HIKESHI: variants seen among roughly 807,000 people sequenced by gnomAD.
HIKESHI encodes the protein heat shock protein nuclear import factor hikeshi, also known as protein Hikeshi.
In HIKESHI, 13 loss-of-function variants were observed where a neutral mutation model predicts 25.7. The observed-to-expected ratio is 0.51, with a 90% CI of 0.33 to 0.80. HIKESHI has a LOEUF of 0.80. Ranked by LOEUF, HIKESHI falls within the 30% of genes least tolerant of loss-of-function variation. The pLI is 0.02. For missense variants in HIKESHI, 174 were observed against 229.5 expected, an observed-to-expected ratio of 0.76 and a Z score of 1.56; for synonymous variants, 76 against 78.7, an observed-to-expected ratio of 0.97 and a Z score of 0.18.
intron 2 of HIKESHI, among the ~76,000 whole-genome samples, chr11:86,331,785 C>G (rs1048218004): frequency 6.6e-6 from 1 of 151,934 alleles, no homozygotes; most frequent in African/African-American, 2.4e-5. Flanking sequence ...AATGTAATTT[C>G]AGGTTTGTCT....
At chr11:86,302,585 T>A in intron 1 of HIKESHI, 107 bp downstream of exon 1, 1 of 1,341,314 alleles carries the variant, frequency 7.5e-7, no homozygotes, top group Non-Finnish European at 1.0e-6. Context: ...GCCCACTTAT[T>A]ATATTTTGGG....
chr11:86,310,934 C>T (rs1050606530), intron 2 of HIKESHI, among the ~76,000 whole-genome samples: 1 of 152,140 alleles, frequency 6.6e-6, no homozygotes, highest in Non-Finnish European at 1.5e-5. Context: ...GGTGGATAAG[C>T]TTTTTGATGT....
Position 86,345,583 on chromosome 11 carries a change from G to A in HIKESHI, c.540-1G>A. On this transcript the variant is annotated splice_acceptor_variant, in intron 4 of 4. Transcript: ENST00000278483. LOFTEE classifies it high-confidence loss of function. ...GTAAATATATGTGTTTTCTTTTCTA[G>A]GTATGAAAACTTTCAAAGACGACTA... 2 of 1,524,762 alleles carry A rather than the reference G, an allele frequency of 1.3e-6. No homozygotes were observed. Among genetic ancestry groups the A allele is most frequent in the East Asian group, 2.3e-5 (1 of 43,348 alleles). The allele number at this position is 1,524,762 out of a possible 1,614,324, so 94.5% of individuals were successfully genotyped here.
chr11:86,304,323 G>A lies in HIKESHI; in HGVS notation c.30+1845G>A, dbSNP rs567250873. On this transcript the variant is annotated intron_variant, in intron 1 of 4. Coordinates refer to ENST00000278483, the MANE Select transcript of HIKESHI (RefSeq NM_016401.4). ...TATTTTCTCTGTAAGGCATGTCATA[G>A]CCTTCTTGCACTTAGGAAGACTAGC... Among the ~76,000 whole-genome samples, 6 of 152,192 alleles carry A rather than the reference G, an allele frequency of 3.9e-5. No homozygotes were observed. In the East Asian group the frequency reaches 1.2e-3, roughly 29 times the overall value.
chr11:86,316,165 G>A (rs1193086415), intron 2 of HIKESHI, among the ~76,000 whole-genome samples: 2 of 145,464 alleles, frequency 1.4e-5, no homozygotes, highest in African/African-American at 5.1e-5. Flanking sequence ...ATTAGACTAA[G>A]TGGAGGAAAG....
At position 86,339,077 on chromosome 11, in the gene HIKESHI, A is replaced by C. The variant is rs962698420; in HGVS notation, c.420+1547A>C. Among the ~76,000 whole-genome samples, 6 of 152,110 alleles carry C rather than the reference A, an allele frequency of 3.9e-5. No homozygotes were observed. In the South Asian group the frequency reaches 8.3e-4, roughly 21 times the overall value. ...TCTTTTCTCTTTGAGACGGAGTCTC[A>C]CTCTGTCGCCCAGGCTGGAGTGCAG... On this transcript the variant is annotated intron_variant, in intron 3 of 4. Transcript: ENST00000278483.
intron 3 of HIKESHI, among the ~76,000 whole-genome samples, chr11:86,340,211 A>G (rs1305889189): frequency 1.3e-5 from 2 of 152,194 alleles, no homozygotes; most frequent in African/African-American, 4.8e-5. Context: ...CAGTAAACAT[A>G]TGTGTGCATG....
intron 2 of HIKESHI, among the ~76,000 whole-genome samples, chr11:86,319,213 TAA>T (rs1292054348): frequency 1.6e-5 from 2 of 126,024 alleles, no homozygotes; most frequent in African/African-American, 6.2e-5. Context: ...GTGCCTGGCT[TAA>T]AAATATATAT....
At chr11:86,316,758 A>AATC (rs1240135330) in intron 2 of HIKESHI, among the ~76,000 whole-genome samples, 1 of 140,100 alleles carries the variant, frequency 7.1e-6, no homozygotes, top group Non-Finnish European at 1.5e-5. Flanking sequence ...ATGAGTAATG[A>AATC]ATCTGAAACA....
intron 1 of HIKESHI, among the ~76,000 whole-genome samples, chr11:86,304,712 C>G (rs1039473636): frequency 6.6e-6 from 1 of 152,108 alleles, no homozygotes; most frequent in Non-Finnish European, 1.5e-5. Context: ...TACTACGTTT[C>G]GCCATGTTGG....
chr11:86,333,512 G>T (rs1339340524), intron 2 of HIKESHI, among the ~76,000 whole-genome samples: 2 of 150,902 alleles, frequency 1.3e-5, no homozygotes, highest in Admixed American at 1.3e-4. Flanking sequence ...TCCAGCCTGG[G>T]CAACAGAGTG....
intron 2 of HIKESHI, among the ~76,000 whole-genome samples, chr11:86,311,802 T>C (rs1946842813): frequency 6.6e-6 from 1 of 152,216 alleles, no homozygotes; most frequent in Non-Finnish European, 1.5e-5. Flanking sequence ...TATTTCTGCT[T>C]TCATTTCATT....
chr11:86,310,636 G>T (rs1222610078), intron 2 of HIKESHI, among the ~76,000 whole-genome samples: 1 of 152,154 alleles, frequency 6.6e-6, no homozygotes, highest in Non-Finnish European at 1.5e-5. Context: ...TCCCTGTTTT[G>T]TGCCAGTTTT....
chr11:86,328,442 T>TG (rs1478221568), intron 2 of HIKESHI, among the ~76,000 whole-genome samples: 4 of 151,126 alleles, frequency 2.6e-5, no homozygotes, highest in African/African-American at 9.7e-5. Context: ...TTGTTTTTTT[T>TG]TTTTTTTGAG....
chr11:86,337,582 G>T, intron 3 of HIKESHI, 52 bp downstream of exon 3: 1 of 1,531,788 alleles, frequency 6.5e-7, no homozygotes, highest in Non-Finnish European at 8.9e-7. Context: ...GCTTTATTAA[G>T]GTATAATATA....
intron 2 of HIKESHI, among the ~76,000 whole-genome samples, chr11:86,330,552 T>G (rs1947395680): frequency 6.6e-6 from 1 of 152,180 alleles, no homozygotes; most frequent in Non-Finnish European, 1.5e-5. Flanking sequence ...AAAATATCAT[T>G]TACTCACTTT....
intron 2 of HIKESHI, among the ~76,000 whole-genome samples, chr11:86,316,115 TAAAAAAAAAAA>T (rs11340933): frequency 1.3e-5 from 1 of 75,246 alleles, no homozygotes; most frequent in African/African-American, 5.8e-5. Flanking sequence ...CTGTCTCCAT[TAAAAAAAAAAA>T]AAAAAAAAAA....
chr11:86,319,605 A>C (rs1392426319), intron 2 of HIKESHI, among the ~76,000 whole-genome samples: 2 of 140,378 alleles, frequency 1.4e-5, no homozygotes, highest in East Asian at 4.4e-4. Context: ...TCAGTGTTCA[A>C]ATTGTCAATG....
At chr11:86,336,610 C>T (rs933937963) in intron 2 of HIKESHI, among the ~76,000 whole-genome samples, 8 of 152,056 alleles carry the variant, frequency 5.3e-5, no homozygotes, top group African/African-American at 1.4e-4. Context: ...AATAAATTTC[C>T]GATGTTTATA....
Sources: gnomAD v4.1 joint callset for allele counts (sites outside exome capture counted in the v4.1 genomes callset) on GRCh38, gnomAD v4.1.1 for gene constraint, MANE v1.5 for transcripts, NCBI Gene and HGNC (gene_info 2026-07-23, HGNC 2026-07-21) for gene names.